The following DOCK8 variants were observed in gnomAD, a reference collection of about 807,000 sequenced individuals.
DOCK8 encodes the protein dedicator of cytokinesis 8, also known as dedicator of cytokinesis protein 8.
Under a neutral mutation model 245.6 loss-of-function variants are expected in DOCK8, and 141 were observed. The observed-to-expected ratio is 0.57, with a 90% CI of 0.50 to 0.66. The LOEUF is 0.66. DOCK8 is among the 30% of genes least tolerant of loss of function. The probability of loss-of-function intolerance (pLI) is 0.00; values close to 1 mark genes in which losing one functional copy is unlikely to be tolerated. For missense variants in DOCK8, 2,965 were observed against 2,603.4 expected (o/e 1.14, Z -3.02); for synonymous variants, 1,168 against 970.2 (o/e 1.20, Z -3.79).
At chr9:418,460 G>T (rs1395595142) in intron 30 of DOCK8, among the ~76,000 whole-genome samples, 2 of 152,140 alleles carry the variant, frequency 1.3e-5, no homozygotes, top group East Asian at 3.8e-4. Context: ...TAGAGACGGG[G>T]TTTCGCCATG....
In DOCK8 at chr9:396,771, A is replaced by T. The variant is rs140114637; in HGVS notation, c.2971-14A>T. On this transcript the variant is annotated splice_polypyrimidine_tract_variant and intron_variant, in intron 24 of 47. Coordinates refer to ENST00000432829, the MANE Select transcript of DOCK8 (RefSeq NM_203447.4). ...CAATCTCCATGTTGACATTTCCTCC[A>T]TCCCCCTCCGCAGGTGAAAAGCATG... The T allele has an allele frequency of 6.2e-7, 1 of 1,613,856 alleles. No individual in the cohort carries two copies. Among genetic ancestry groups the T allele is most frequent in the Non-Finnish European group, 8.5e-7 (1 of 1,180,004 alleles).
chr9:433,521 C>T (rs1034026724), intron 37 of DOCK8, among the ~76,000 whole-genome samples: 1 of 152,188 alleles, frequency 6.6e-6, no homozygotes, highest in Admixed American at 6.6e-5. Context: ...TAAGCTGCTT[C>T]CTACTTGGTA....
Position 382,488 on chromosome 9 carries a change from C to G in DOCK8, c.2606-25C>G. On this transcript the variant is annotated intron_variant, in intron 21 of 47. Coordinates refer to ENST00000432829, the MANE Select transcript of DOCK8 (RefSeq NM_203447.4). ...GTAACTCTGTTCCCCTGTCTGTTGACATGTCTCTGCCTGGTGGGGTGCAGG... is the reference window on the plus strand; with the variant it reads ...GTAACTCTGTTCCCCTGTCTGTTGAGATGTCTCTGCCTGGTGGGGTGCAGG... The G allele has an allele frequency of 1.9e-6, 3 of 1,613,126 alleles. No individual in the cohort carries two copies. In the East Asian group the frequency reaches 6.7e-5, roughly 36 times the overall value.
In DOCK8 at chr9:382,719, A is replaced by G. The variant is rs1293047079; in HGVS notation, c.2778+34A>G. 5 of 1,611,022 alleles carry G rather than the reference A, an allele frequency of 3.1e-6. No individual in the cohort carries two copies. In the East Asian group the frequency reaches 8.9e-5, roughly 29 times the overall value. ...GATGTCAAACCGTGGAAGGGGACAC[A>G]GGCTTTTTTATTTTTTAACTAAAAC... On this transcript the variant is annotated intron_variant, in intron 22 of 47. Coordinates refer to ENST00000432829, the MANE Select transcript of DOCK8 (RefSeq NM_203447.4).
intron 14 of DOCK8, among the ~76,000 whole-genome samples, chr9:363,870 A>G (rs931655255): frequency 2.0e-5 from 3 of 152,172 alleles, no homozygotes; most frequent in Non-Finnish European, 4.4e-5. Flanking sequence ...GTGCCCCTGT[A>G]TTGGAGTGTA....
intron 2 of DOCK8, chr9:276,890 C>T (rs890420073): frequency 1.2e-5 from 3 of 243,344 alleles, no homozygotes; most frequent in Non-Finnish European, 2.7e-5. Context: ...CTCACTACAA[C>T]CTCCGCCTCC....
At chr9:447,680 TG>T (rs2057307466) in intron 44 of DOCK8, among the ~76,000 whole-genome samples, 1 of 152,208 alleles carries the variant, frequency 6.6e-6, no homozygotes, top group Non-Finnish European at 1.5e-5. Context: ...CTAATTAGAT[TG>T]GGTCATTAAA....
At chr9:357,414 G>A (rs545770768) in intron 14 of DOCK8, among the ~76,000 whole-genome samples, 33 of 152,052 alleles carry the variant, frequency 2.2e-4, no homozygotes, top group African/African-American at 6.0e-4. Flanking sequence ...TTTAAAAGTG[G>A]TACCATAAGA....
intron 28 of DOCK8, 110 bp downstream of exon 28, chr9:407,179 C>A: frequency 6.0e-6 from 9 of 1,507,700 alleles, no homozygotes. Flanking sequence ...CTGTAGTTGA[C>A]CAGTTCTGAG....
chr9:232,561 C>A (rs143182662), intron 1 of DOCK8, among the ~76,000 whole-genome samples: 3,987 of 152,080 alleles, frequency 0.026, 66 homozygotes, highest in South Asian at 0.045. Flanking sequence ...TTGATTATTG[C>A]CTCAATTTCA....
intron 1 of DOCK8, among the ~76,000 whole-genome samples, chr9:242,939 A>G (rs1028579741): frequency 5.3e-5 from 8 of 152,216 alleles, no homozygotes; most frequent in East Asian, 1.9e-4. Context: ...AGCATCAGAA[A>G]ATCCTGTGGT....
intron 21 of DOCK8, 93 bp downstream of exon 21, chr9:380,028 G>T (rs1258137780): frequency 6.9e-7 from 1 of 1,455,598 alleles, no homozygotes; most frequent in Non-Finnish European, 9.3e-7. Flanking sequence ...TCCTATGCTG[G>T]GTGCAGGGGC....
chr9:305,528 G>C (rs375329174), intron 5 of DOCK8, among the ~76,000 whole-genome samples: 1 of 152,022 alleles, frequency 6.6e-6, no homozygotes, highest in Non-Finnish European at 1.5e-5. Context: ...CTTGTGATCC[G>C]CCCGCCTCGG....
chr9:434,015 G>T lies in DOCK8; in HGVS notation c.4886+40G>T, dbSNP rs1305284676. ...CACACTCAAGGGACACCATTTGGGG[G>T]TCGAGGATTTGTCACTGTGGAGTTC... On this transcript the variant is annotated intron_variant, in intron 38 of 47. Transcript: ENST00000432829. 4 of 1,470,552 alleles carry T rather than the reference G, an allele frequency of 2.7e-6. No individual in the cohort carries two copies. The East Asian group carries it at 6.8e-5, about 25-fold the overall frequency. 91.1% of individuals were successfully genotyped at this position (1,470,552 alleles called of 1,614,324 possible). A position where few individuals can be genotyped will look rare whatever the true frequency, so the allele number is the denominator to read the frequency against.
intron 2 of DOCK8, among the ~76,000 whole-genome samples, chr9:285,435 G>A (rs967633473): frequency 2.0e-5 from 3 of 152,128 alleles, no homozygotes; most frequent in Non-Finnish European, 4.4e-5. Context: ...GTCCACTGGA[G>A]GGTAGAGATA....
intron 1 of DOCK8, among the ~76,000 whole-genome samples, chr9:218,126 C>G (rs973695652): frequency 7.2e-5 from 11 of 151,874 alleles, no homozygotes; most frequent in African/African-American, 2.7e-4. Context: ...ACGTGCCTAC[C>G]TATTATTTTT....
chr9:464,161 A>G lies in DOCK8; in HGVS notation c.6242A>G (p.Asp2081Gly), dbSNP rs769426850. 6.2e-7 allele frequency: 1 copy of G among 1,612,072 alleles called. No individual in the cohort carries two copies. The highest frequency in any genetic ancestry group is 8.5e-7 in the Non-Finnish European group (1 of 1,178,822). Residue 2081 changes from aspartate to glycine, a missense_variant and splice_region_variant, in exon 48 of 48, where the codon GAC becomes GGC. Asp to Gly is a moderately conservative substitution (Grantham distance 94). Around this residue, in one of 3 missense-constraint regions of DOCK8, gnomAD observed 134 missense variants for 128.1 expected, o/e 1.05. Coordinates refer to ENST00000432829, the MANE Select transcript of DOCK8 (RefSeq NM_203447.4). ...TCCCTCTCTTTTCTTAATTTCAGGG[A>G]CTCCTTCCACAGATCTAGTTTCAGG... Reference protein sequence around the residue: ...PIFRVESQKRDSFHRSSFRKC... With the variant: ...PIFRVESQKRGSFHRSSFRKC...
At chr9:372,120 A>T in intron 17 of DOCK8, 65 bp from the exon 18 acceptor site, 1 of 1,389,452 alleles carries the variant, frequency 7.2e-7, no homozygotes, top group Non-Finnish European at 1.0e-6. Flanking sequence ...ATTGCGAGCT[A>T]GATAAATTAT....
chr9:272,232 T>C (rs1321944523), intron 2 of DOCK8, among the ~76,000 whole-genome samples: 1 of 152,176 alleles, frequency 6.6e-6, no homozygotes, highest in African/African-American at 2.4e-5. Context: ...TCAGTCAAGA[T>C]ATAGAACACT....
Sources: allele counts gnomAD v4.1 joint callset (sites outside exome capture counted in the v4.1 genomes callset), GRCh38; gene constraint gnomAD v4.1.1; regional missense constraint gnomAD v4.1.1; transcripts MANE v1.5; gene names NCBI Gene and HGNC (gene_info 2026-07-23, HGNC 2026-07-21).